The following SF3A3 variants were observed in gnomAD, a reference collection of about 807,000 sequenced individuals.
SF3A3 encodes SAP 61.
Under a neutral mutation model 85.8 loss-of-function variants are expected in SF3A3, and 9 were observed. That is an observed-to-expected ratio of 0.10 (90% CI 0.06 to 0.18). The LOEUF (loss-of-function observed/expected upper bound fraction) is 0.18, where lower values mean the gene tolerates loss of function less well. Among genes scored for constraint, SF3A3 ranks in the 10% least tolerant of loss-of-function variants. SF3A3 has a pLI of 1.00. For synonymous variants in SF3A3, 195 were observed against 204.4 expected (o/e 0.95, Z 0.39); for missense variants, 306 against 593.3 (o/e 0.52, Z 5.03).
chr1:37,962,512 A>C (rs1646268278), intron 15 of SF3A3, among the ~76,000 whole-genome samples: 1 of 146,622 alleles, frequency 6.8e-6, no homozygotes, highest in East Asian at 2.1e-4. Context: ...CTGAGGCAGG[A>C]GAATCGCTTG....
At position 37,981,788 on chromosome 1, in the gene SF3A3, C is replaced by G. The variant is rs772067046; in HGVS notation, c.492G>C (p.Leu164=). The G allele has an allele frequency of 4.5e-5, 72 of 1,594,698 alleles. No homozygotes were observed. The highest frequency in any genetic ancestry group is 5.9e-5 in the Non-Finnish European group (69 of 1,163,932). Reference sequence around the variant, plus strand: ...TGTCAAATAATTGGTCAAAGATGGACAGGTATGTGATATAATCCAGCTTCT... The same window carrying G: ...TGTCAAATAATTGGTCAAAGATGGAGAGGTATGTGATATAATCCAGCTTCT... ...ASEKLDYITY[L]SIFDQLFDIP... Residue 164 remains leucine, a synonymous_variant, in exon 7 of 17, where the codon CTG becomes CTC. Coordinates refer to ENST00000373019, the MANE Select transcript of SF3A3 (RefSeq NM_006802.4).
At chr1:37,984,300 A>C in intron 5 of SF3A3, 40 bp from the exon 6 acceptor site, 1 of 1,209,444 alleles carries the variant, frequency 8.3e-7, no homozygotes, top group African/African-American at 1.5e-5. Flanking sequence ...GTTTCTACAG[A>C]CCACTCTCTT....
intron 15 of SF3A3, among the ~76,000 whole-genome samples, chr1:37,962,124 A>C (rs1646264593): frequency 1.3e-5 from 2 of 149,388 alleles, no homozygotes; most frequent in Non-Finnish European, 1.5e-5. Context: ...AACAAAAAAA[A>C]ACATTAGCTG....
Position 37,958,011 on chromosome 1 carries a change from A to G in SF3A3, c.*175T>C. 1 of 587,966 alleles carries G rather than the reference A, an allele frequency of 1.7e-6. No individual in the cohort carries two copies. The highest frequency in any genetic ancestry group is 3.0e-5 in the Admixed American group (1 of 33,204). The allele number at this position is 587,966 out of a possible 1,614,324, so 36.4% of individuals were successfully genotyped here. ...CAGAATCTTTTAAAATATAAAACAG[A>G]TAAAACACATCTCAACCCTGCAATC... On this transcript the variant is annotated 3_prime_UTR_variant, in exon 17 of 17. Transcript: ENST00000373019.
chr1:37,988,893 A>G (rs542662455), intron 2 of SF3A3, among the ~76,000 whole-genome samples: 7 of 147,624 alleles, frequency 4.7e-5, no homozygotes, highest in Non-Finnish European at 9.0e-5. Context: ...ATATATATAT[A>G]TATTTTTTTT....
Position 37,989,519 on chromosome 1 carries a change from CAA to C in SF3A3, c.144+27_144+28del, listed in dbSNP as rs551653775. 3.3e-3 allele frequency: 5,254 copies of C among 1,609,910 alleles called. 7 individuals carry two copies. Among genetic ancestry groups the C allele is most frequent in the Non-Finnish European group, 4.1e-3 (4,859 of 1,178,380 alleles). Reference sequence around the variant, plus strand: ...CTCTCTTTTCCCGCCCTCGCCAACCCAAAGAGAGGCAGACAGCTGGGCACTCA... The same window carrying C: ...CTCTCTTTTCCCGCCCTCGCCAACCCAGAGAGGCAGACAGCTGGGCACTCA... On this transcript the variant is annotated intron_variant, in intron 2 of 16. Transcript: ENST00000373019.
chr1:37,989,020 G>C (rs1287274012), intron 2 of SF3A3, among the ~76,000 whole-genome samples: 1 of 151,982 alleles, frequency 6.6e-6, no homozygotes, highest in Non-Finnish European at 1.5e-5. Context: ...AGCCGGCCGC[G>C]GTGGCTCAAG....
chr1:37,974,072 G>A (rs1436612985), intron 12 of SF3A3, among the ~76,000 whole-genome samples: 1 of 151,898 alleles, frequency 6.6e-6, no homozygotes, highest in African/African-American at 2.4e-5. Flanking sequence ...CACACATCGG[G>A]ACCTGTTGTG....
intron 12 of SF3A3, among the ~76,000 whole-genome samples, chr1:37,976,354 T>G (rs1162587139): frequency 6.6e-6 from 1 of 152,156 alleles, no homozygotes; most frequent in Non-Finnish European, 1.5e-5. Context: ...GCTAGGCCTT[T>G]CTCTACCCCA....
chr1:37,967,844 G>C (rs1298500320), intron 15 of SF3A3, among the ~76,000 whole-genome samples, 200 bp downstream of exon 15: 1 of 152,030 alleles, frequency 6.6e-6, no homozygotes. Context: ...TGGCGACAGA[G>C]CGAGACTCCA....
chr1:37,977,101 C>G (rs1646384257), intron 11 of SF3A3, 148 bp from the exon 12 acceptor site: 1 of 642,698 alleles, frequency 1.6e-6, no homozygotes, highest in Non-Finnish European at 2.8e-6. Context: ...CTCTGTTCAT[C>G]TCAGGACTCT....
intron 12 of SF3A3, 130 bp downstream of exon 12, chr1:37,976,754 T>C: frequency 1.5e-6 from 1 of 676,548 alleles, no homozygotes; most frequent in Admixed American, 2.4e-5. Context: ...GACCTCTATT[T>C]TGTGCCATAC....
At position 37,987,831 on chromosome 1, in the gene SF3A3, A is replaced by G; in HGVS notation, c.150T>C (p.Tyr50=). 6.2e-7 allele frequency: 1 copy of G among 1,612,666 alleles called. No individual in the cohort carries two copies. The highest frequency in any genetic ancestry group is 1.3e-5 in the African/African-American group (1 of 75,022). ...CCCTCAGGTTCCCACTGACCTCCAT[A>G]TACCTCTGAAAGGCAAATACAAAAC... ...DHRTRAMQDR[Y]MEVSGNLRDL... is the part of the protein sequence containing the mutation. Residue 50 remains tyrosine (Y), a synonymous_variant, in exon 3 of 17, where the codon TAT becomes TAC. Transcript: ENST00000373019.
chr1:37,970,859 G>A (rs879449985), intron 12 of SF3A3, among the ~76,000 whole-genome samples: 12 of 152,180 alleles, frequency 7.9e-5, no homozygotes, highest in Non-Finnish European at 1.3e-4. Flanking sequence ...TTAAAGCAGC[G>A]TGTAAAGGGA....
At chr1:37,981,186 T>C (rs1415963996) in intron 7 of SF3A3, among the ~76,000 whole-genome samples, 1 of 152,106 alleles carries the variant, frequency 6.6e-6, no homozygotes, top group East Asian at 1.9e-4. Flanking sequence ...TGGACTTTTT[T>C]CCCAACATGT....
At chr1:37,968,481 A>G (rs1012721572) in intron 14 of SF3A3, among the ~76,000 whole-genome samples, 2 of 152,212 alleles carry the variant, frequency 1.3e-5, no homozygotes, top group Non-Finnish European at 2.9e-5. Context: ...CAGCAACTCC[A>G]AACACCTGCA....
At chr1:37,963,603 T>C (rs6687636) in intron 15 of SF3A3, among the ~76,000 whole-genome samples, 136,737 of 150,632 alleles carry the variant, frequency 0.91, 62,209 homozygotes, top group East Asian at 1. Flanking sequence ...GTCGCCCAGG[T>C]TGGAGTAAAG....
chr1:37,963,123 G>A (rs1037797967), intron 15 of SF3A3, among the ~76,000 whole-genome samples: 5 of 151,712 alleles, frequency 3.3e-5, no homozygotes, highest in African/African-American at 1.2e-4. Flanking sequence ...TTAAATGACA[G>A]TTCAGAATCT....
intron 16 of SF3A3, 59 bp downstream of exon 16, chr1:37,960,061 G>T: frequency 7.3e-7 from 1 of 1,375,940 alleles, no homozygotes; most frequent in Non-Finnish European, 1.0e-6. Flanking sequence ...CTTTCTACAT[G>T]GTGAGGGAGC....
Sources: allele counts gnomAD v4.1 joint callset (sites outside exome capture counted in the v4.1 genomes callset), GRCh38; gene constraint gnomAD v4.1.1; transcripts MANE v1.5; gene names NCBI Gene and HGNC (gene_info 2026-07-23, HGNC 2026-07-21).